Variants in ADSS2 observed in about 807,000 individuals in gnomAD.
The protein encoded by ADSS2 is adenylosuccinate synthetase isozyme 2.
Under a neutral mutation model 60.0 loss-of-function variants are expected in ADSS2, and 30 were observed. That is an observed-to-expected ratio of 0.50 (90% confidence interval 0.37 to 0.68). The LOEUF (loss-of-function observed/expected upper bound fraction) is 0.68. Among genes scored for constraint, ADSS2 ranks in the 30% least tolerant of loss-of-function variants. ADSS2 has a pLI of 0.00. For synonymous variants in ADSS2, 187 were observed against 193.1 expected, an observed-to-expected ratio of 0.97 and a Z score of 0.26; for missense variants, 373 against 554.8, an observed-to-expected ratio of 0.67 and a Z score of 3.29.
rs1195314852 is a variant in ADSS2, at chr1:244,418,971, AC to A, written c.791-58del. The A allele has an allele frequency of 2.0e-5, 28 of 1,424,154 alleles. No individual in the cohort carries two copies. The East Asian group carries it at 2.2e-4, about 11-fold the overall frequency. The allele number at this position is 1,424,154 out of a possible 1,614,324, so 88.2% of individuals were successfully genotyped here. A position where few individuals can be genotyped will look rare whatever the true frequency, so the allele number is the denominator to read the frequency against. ...AGACACATGAATAACACATTTTAAAACAGAATTACCGTTACAATTCTGCATT... is the reference window on the plus strand; with the variant it reads ...AGACACATGAATAACACATTTTAAAAAGAATTACCGTTACAATTCTGCATT... On this transcript the variant is annotated intron_variant, in intron 8 of 12. Transcript: ENST00000366535.
In ADSS2 at chr1:244,408,582, C is replaced by T. The variant is rs774331138; in HGVS notation, c.*1004G>A. ...ACCTAATTTAACATTTAAAATAGTTCATTAAAAGATAATCTACAAAACAAT... is the reference window on the plus strand; with the variant it reads ...ACCTAATTTAACATTTAAAATAGTTTATTAAAAGATAATCTACAAAACAAT... On this transcript the variant is annotated 3_prime_UTR_variant, in exon 13 of 13. Transcript: ENST00000366535. 1 of 151,494 alleles carries T rather than the reference C, an allele frequency of 6.6e-6. No homozygotes were observed. The highest frequency in any genetic ancestry group is 1.5e-5 in the Non-Finnish European group (1 of 67,788). 9.4% of individuals were successfully genotyped at this position (151,494 alleles called of 1,614,324 possible).
chr1:244,420,850 CCAT>C (rs1336325648), intron 7 of ADSS2, among the ~76,000 whole-genome samples: 2 of 151,962 alleles, frequency 1.3e-5, no homozygotes, highest in Admixed American at 1.3e-4. Context: ...TGCACTACCA[CCAT>C]GACCACCTAA....
chr1:244,411,804 T>C (rs529783045), intron 11 of ADSS2, among the ~76,000 whole-genome samples: 67 of 152,342 alleles, frequency 4.4e-4, no homozygotes, highest in African/African-American at 1.6e-3. Context: ...TAGATCTGCA[T>C]GACAGCAACT....
At chr1:244,441,205 C>T (rs1203131323) in intron 1 of ADSS2, among the ~76,000 whole-genome samples, 2 of 152,086 alleles carry the variant, frequency 1.3e-5, no homozygotes, top group Non-Finnish European at 2.9e-5. Flanking sequence ...ACTACAGGCG[C>T]CTGCCGCCAT....
chr1:244,409,317 A>C lies in ADSS2; in HGVS notation c.*269T>G. On this transcript the variant is annotated 3_prime_UTR_variant, in exon 13 of 13. Transcript: ENST00000366535. ...GATATCAAACAACATGGATTATACT[A>C]TTACTAAACATTGAAAAAAAAAACG... 1 of 318,364 alleles carries C rather than the reference A, an allele frequency of 3.1e-6. No individual in the cohort carries two copies. The allele number at this position is 318,364 out of a possible 1,614,324, so 19.7% of individuals were successfully genotyped here. A position where few individuals can be genotyped will look rare whatever the true frequency, so the allele number is the denominator to read the frequency against.
At chr1:244,417,483 T>C (rs1302521099) in intron 10 of ADSS2, 145 bp downstream of exon 10, 32 of 952,124 alleles carry the variant, frequency 3.4e-5, no homozygotes, top group Non-Finnish European at 7.7e-6. Flanking sequence ...TCCCCCTATA[T>C]CTTGGTCTAC....
rs1366138500 is a variant in ADSS2 at position 244,409,435 on chromosome 1, T to C, written c.*151A>G. ...AATATGCCAAAGTTAATCTCCACAGTAGGCATCCATCTGAAAAGACTGGAA... is the reference window on the plus strand; with the variant it reads ...AATATGCCAAAGTTAATCTCCACAGCAGGCATCCATCTGAAAAGACTGGAA... On this transcript the variant is annotated 3_prime_UTR_variant, in exon 13 of 13. Coordinates refer to ENST00000366535, the MANE Select transcript of ADSS2 (RefSeq NM_001126.5). 3 of 591,094 alleles carry C rather than the reference T, an allele frequency of 5.1e-6. No individual in the cohort carries two copies. Among genetic ancestry groups the C allele is most frequent in the African/African-American group, 3.8e-5 (2 of 52,440 alleles). The allele number at this position is 591,094 out of a possible 1,614,324, so 36.6% of individuals were successfully genotyped here.
Position 244,451,732 on chromosome 1 carries a change from C to A in ADSS2, c.86G>T (p.Arg29Leu). 1 of 1,607,746 alleles carries A rather than the reference C, an allele frequency of 6.2e-7. No individual in the cohort carries two copies. The highest frequency in any genetic ancestry group is 8.5e-7 in the Non-Finnish European group (1 of 1,177,374). ...CTGCGCACCGAGCACCACCGTCACCCGGTTTCCTCCGGGCCGCGCCCTGGG... is the reference window on the plus strand; with the variant it reads ...CTGCGCACCGAGCACCACCGTCACCAGGTTTCCTCCGGGCCGCGCCCTGGG... ...GRPRARPGGN[R>L]VTVVLGAQWG... is the part of the protein sequence containing the mutation. Residue 29 changes from arginine (R) to leucine (L), a missense_variant, in exon 1 of 13, where the codon CGG becomes CTG. Arg to Leu is a moderately radical substitution (Grantham distance 102). Transcript: ENST00000366535. This position sits in a 1 kb window ranked among gnomAD's most constrained non-coding sequence, Gnocchi z 6.6.
intron 3 of ADSS2, among the ~76,000 whole-genome samples, chr1:244,434,218 T>C (rs975188523): frequency 6.6e-6 from 1 of 151,052 alleles, no homozygotes; most frequent in African/African-American, 2.4e-5. Context: ...TAGTCAGGCA[T>C]GGTGGCATGT....
At chr1:244,451,986 C>A, upstream of ADSS2, 1 of 631,696 alleles carries the variant, frequency 1.6e-6, no homozygotes, top group South Asian at 2.4e-5. This position sits in a 1 kb window ranked among gnomAD's most constrained non-coding sequence, Gnocchi z 6.6. Context: ...CCCCGCTCTC[C>A]GCCACAGCCC....
At position 244,420,224 on chromosome 1, in the gene ADSS2, G is replaced by A. The variant is rs770820204; in HGVS notation, c.736C>T (p.Pro246Ser). 13 of 1,613,494 alleles carry A rather than the reference G, an allele frequency of 8.1e-6. No homozygotes were observed. The highest frequency in any genetic ancestry group is 1.7e-5 in the Admixed American group (1 of 59,992). The change falls in exon 8 of 13, where the codon CCA becomes TCA. Residue 246 changes from proline (P) to serine (S), a missense_variant. Around this residue, in one of 5 missense-constraint regions of ADSS2, gnomAD observed 139 missense variants for 189.4 expected, o/e 0.73. Coordinates refer to ENST00000366535, the MANE Select transcript of ADSS2 (RefSeq NM_001126.5). Reference protein sequence around the residue: ...YFLYEALHGPPKKILVEGANA... With the variant: ...YFLYEALHGPSKKILVEGANA... Reference sequence around the variant, plus strand: ...GCACCTTCTACCAAGATTTTCTTTGGTGGTCCATGTAGGGCCTCATATAGA... The same window carrying A: ...GCACCTTCTACCAAGATTTTCTTTGATGGTCCATGTAGGGCCTCATATAGA...
At position 244,451,655 on chromosome 1, in the gene ADSS2, C is replaced by T. The variant is rs765517874; in HGVS notation, c.163G>A (p.Asp55Asn). The stretch of plus-strand genomic sequence containing the variant: ...CTCACCTGGCAGCGGCACACGATGT[C>T]GGCGTCCTGCGCCAGCAGGTCCACC... ...KVVDLLAQDA[D>N]IVCRCQGGNN... Residue 55 changes from aspartate to asparagine, a missense_variant, in exon 1 of 13, where the codon GAC (aspartate) becomes AAC (asparagine). Around this residue, in one of 5 missense-constraint regions of ADSS2, gnomAD observed 29 missense variants for 73.3 expected, o/e 0.40. Coordinates refer to ENST00000366535, the MANE Select transcript of ADSS2 (RefSeq NM_001126.5). The surrounding 1 kb of genome is among the most constrained non-coding windows in gnomAD (Gnocchi z 6.6). 2.5e-6 allele frequency: 4 copies of T among 1,610,362 alleles called. No homozygotes were observed. Among genetic ancestry groups the T allele is most frequent in the Admixed American group, 1.7e-5 (1 of 59,808 alleles).
chr1:244,427,824 C>T (rs1024898106), intron 4 of ADSS2, among the ~76,000 whole-genome samples: 4 of 152,188 alleles, frequency 2.6e-5, no homozygotes, highest in Admixed American at 1.3e-4. Context: ...AGCATCAAAA[C>T]TTTCCTACTA....
chr1:244,411,657 T>A (rs1664421316), intron 11 of ADSS2, among the ~76,000 whole-genome samples: 1 of 152,236 alleles, frequency 6.6e-6, no homozygotes, highest in African/African-American at 2.4e-5. Flanking sequence ...TATGATCATT[T>A]GCTATAAGAG....
chr1:244,436,946 G>A, intron 2 of ADSS2, 53 bp from the exon 3 acceptor site: 4 of 1,457,950 alleles, frequency 2.7e-6, no homozygotes, highest in African/African-American at 1.4e-5. Context: ...TCAGACATAT[G>A]TAACTTAAAG....
chr1:244,421,825 A>C (rs1157234990), intron 7 of ADSS2, among the ~76,000 whole-genome samples: 2 of 151,926 alleles, frequency 1.3e-5, no homozygotes, highest in Non-Finnish European at 2.9e-5. Flanking sequence ...CCAAAAAAAA[A>C]CCTAGCAGGG....
intron 11 of ADSS2, among the ~76,000 whole-genome samples, chr1:244,411,929 G>A (rs1664426881): frequency 6.6e-6 from 1 of 152,174 alleles, no homozygotes; most frequent in African/African-American, 2.4e-5. Context: ...AACTGAACAT[G>A]TACTAAAGAA....
At chr1:244,449,247 A>G (rs568661583) in intron 1 of ADSS2, among the ~76,000 whole-genome samples, 1 of 152,218 alleles carries the variant, frequency 6.6e-6, no homozygotes, top group Non-Finnish European at 1.5e-5. Flanking sequence ...TTTCTTTTTA[A>G]AACTATATTT....
In ADSS2 at chr1:244,451,796, G is replaced by A; in HGVS notation, c.22C>T (p.Pro8Ser). The A allele has an allele frequency of 1.3e-6, 2 of 1,592,044 alleles. No homozygotes were observed. The highest frequency in any genetic ancestry group is 2.3e-5 in the East Asian group (1 of 43,876). MAFAETY[P>S]AASSLPNGDC... is the part of the protein sequence containing the mutation. ...CCGTTGGGCAGGGAGGATGCCGCCG[G>A]GTAGGTCTCGGCGAACGCCATGGCT... Residue 8 changes from proline (P) to serine (S), a missense_variant, in exon 1 of 13, where the codon CCG (proline) becomes TCG (serine). By Grantham distance (74) the Pro-to-Ser change is moderately conservative (BLOSUM62 -1). Coordinates refer to ENST00000366535, the MANE Select transcript of ADSS2 (RefSeq NM_001126.5). This position sits in a 1 kb window ranked among gnomAD's most constrained non-coding sequence, Gnocchi z 6.6.
Sources: allele counts gnomAD v4.1 joint callset (sites outside exome capture counted in the v4.1 genomes callset), GRCh38; gene constraint gnomAD v4.1.1; regional missense constraint gnomAD v4.1.1; non-coding constraint Gnocchi (gnomAD v3.1); transcripts MANE v1.5; gene names NCBI Gene and HGNC (gene_info 2026-07-23, HGNC 2026-07-21).